FRAS1: variants seen among roughly 807,000 people sequenced by gnomAD.
The protein encoded by FRAS1 is Fraser extracellular matrix complex subunit 1, also known as extracellular matrix organizing protein FRAS1.
Under a neutral mutation model 435.2 loss-of-function variants are expected in FRAS1, and 290 were observed. The observed-to-expected ratio is 0.67, with a 90% CI of 0.61 to 0.73. The LOEUF (loss-of-function observed/expected upper bound fraction) is 0.73. Among genes scored for constraint, FRAS1 ranks in the 30% least tolerant of loss-of-function variants. The pLI, the probability that FRAS1 is intolerant of heterozygous loss-of-function variation, is 0.00. For missense variants in FRAS1, 4,860 were observed against 5,001.5 expected (o/e 0.97, Z 0.85); for synonymous variants, 1,800 against 1,851.0 (o/e 0.97, Z 0.71).
chr4:78,284,318 A>C, intron 12 of FRAS1, 87 bp from the exon 13 acceptor site: 1 of 1,380,744 alleles, frequency 7.2e-7, no homozygotes, highest in Non-Finnish European at 1.0e-6. Flanking sequence ...GTAATGCTAC[A>C]TACTTTGTAG....
At chr4:78,453,634 A>C (rs1020757613) in intron 47 of FRAS1, among the ~76,000 whole-genome samples, 13 of 151,698 alleles carry the variant, frequency 8.6e-5, no homozygotes, top group Non-Finnish European at 1.8e-4. Flanking sequence ...GACCCCGTTT[A>C]TTTTCTTTTC....
chr4:78,185,038 G>A (rs1348641067), intron 2 of FRAS1, among the ~76,000 whole-genome samples: 1 of 152,166 alleles, frequency 6.6e-6, no homozygotes, highest in African/African-American at 2.4e-5. Flanking sequence ...TGGGTCATAG[G>A]CCTAGTAAGT....
intron 50 of FRAS1, among the ~76,000 whole-genome samples, chr4:78,468,382 T>C (rs1233642236): frequency 1.3e-5 from 2 of 152,190 alleles, no homozygotes; most frequent in African/African-American, 4.8e-5. Flanking sequence ...AGCCTCGTTT[T>C]CCCTATCTGT....
intron 10 of FRAS1, among the ~76,000 whole-genome samples, chr4:78,279,693 T>G (rs901089592): frequency 4.6e-5 from 7 of 152,256 alleles, no homozygotes; most frequent in Non-Finnish European, 7.3e-5. Context: ...TATCTTAATC[T>G]TTTCAAATTT....
chr4:78,477,304 C>T (rs1423908125), intron 54 of FRAS1, among the ~76,000 whole-genome samples: 1 of 152,200 alleles, frequency 6.6e-6, no homozygotes, highest in Admixed American at 6.5e-5. Flanking sequence ...ATATACAAGA[C>T]CTCCTTTAGT....
chr4:78,340,309 G>A (rs929337650), intron 20 of FRAS1, among the ~76,000 whole-genome samples: 2 of 152,178 alleles, frequency 1.3e-5, no homozygotes, highest in Non-Finnish European at 2.9e-5. Context: ...CCATTGTCTG[G>A]TGCTTAGAAA....
Position 78,387,575 on chromosome 4 carries a change from A to G in FRAS1, c.3849A>G (p.Glu1283=). 1 of 1,613,590 alleles carries G rather than the reference A, an allele frequency of 6.2e-7. No homozygotes were observed. The highest frequency in any genetic ancestry group is 8.5e-7 in the Non-Finnish European group (1 of 1,179,764). Residue 1283 remains glutamate (E), a synonymous_variant, in exon 29 of 74, where the codon GAA becomes GAG. Coordinates refer to ENST00000512123, the MANE Select transcript of FRAS1 (RefSeq NM_025074.7). ...ATPIYQFQLD[E]LSRGLLHYAH... is the part of the protein sequence containing the mutation. Reference sequence around the variant, plus strand: ...CTATCTATCAATTCCAGCTGGATGAACTCTCTAGAGGCCTTCTCCACTATG... The same window carrying G: ...CTATCTATCAATTCCAGCTGGATGAGCTCTCTAGAGGCCTTCTCCACTATG...
chr4:78,312,285 T>C (rs1173472469), intron 15 of FRAS1, among the ~76,000 whole-genome samples: 1 of 151,436 alleles, frequency 6.6e-6, no homozygotes, highest in African/African-American at 2.4e-5. Flanking sequence ...CTAGCCTTCC[T>C]TATTTCTCTT....
intron 2 of FRAS1, among the ~76,000 whole-genome samples, chr4:78,127,286 C>T (rs1029575674): frequency 3.9e-5 from 6 of 152,050 alleles, no homozygotes; most frequent in Non-Finnish European, 5.9e-5. Context: ...GAGCCTAAAA[C>T]GATAATCCTA....
At chr4:78,141,686 T>A (rs1190296084) in intron 2 of FRAS1, among the ~76,000 whole-genome samples, 1 of 152,144 alleles carries the variant, frequency 6.6e-6, no homozygotes, top group Non-Finnish European at 1.5e-5. Context: ...TGCACACTCA[T>A]GTTTATAGCA....
chr4:78,495,673 A>C (rs963104964), intron 59 of FRAS1, among the ~76,000 whole-genome samples: 2 of 152,200 alleles, frequency 1.3e-5, no homozygotes, highest in Non-Finnish European at 2.9e-5. Context: ...TTTTAATTTA[A>C]TAAAATTATA....
intron 60 of FRAS1, among the ~76,000 whole-genome samples, chr4:78,498,816 AT>A (rs1167320578): frequency 6.7e-6 from 1 of 150,312 alleles, no homozygotes; most frequent in Non-Finnish European, 1.5e-5. Context: ...CATGATTTGA[AT>A]TTTTTGGTAA....
intron 9 of FRAS1, among the ~76,000 whole-genome samples, chr4:78,272,667 C>G (rs1346296236): frequency 6.6e-6 from 1 of 152,120 alleles, no homozygotes; most frequent in South Asian, 2.1e-4. Context: ...TTCCATTGGT[C>G]TATATCTCTG....
intron 2 of FRAS1, among the ~76,000 whole-genome samples, chr4:78,072,484 C>T (rs561906977): frequency 2.6e-5 from 4 of 152,160 alleles, no homozygotes; most frequent in African/African-American, 4.8e-5. Flanking sequence ...TCACCACAAA[C>T]AATTAGTGAA....
intron 2 of FRAS1, among the ~76,000 whole-genome samples, chr4:78,105,775 C>T (rs1742384413): frequency 6.6e-6 from 1 of 151,910 alleles, no homozygotes; most frequent in Non-Finnish European, 1.5e-5. Context: ...CAGCTCCGGT[C>T]TACAGCTCCC....
intron 47 of FRAS1, among the ~76,000 whole-genome samples, chr4:78,459,195 G>C (rs1719293200): frequency 6.6e-6 from 1 of 152,202 alleles, no homozygotes; most frequent in South Asian, 2.1e-4. Context: ...TTTACAGGCT[G>C]AGTTGTAATT....
intron 3 of FRAS1, among the ~76,000 whole-genome samples, chr4:78,244,789 G>C (rs765542169): frequency 2.0e-5 from 3 of 152,146 alleles, no homozygotes; most frequent in Non-Finnish European, 2.9e-5. Context: ...TCCTGTCCCA[G>C]GTAAAAGTTA....
chr4:78,186,444 G>A (rs1722271924), intron 2 of FRAS1, among the ~76,000 whole-genome samples: 1 of 152,180 alleles, frequency 6.6e-6, no homozygotes, highest in Non-Finnish European at 1.5e-5. Context: ...ATGTGGAAGT[G>A]TGTATTAATT....
chr4:78,436,633 A>G (rs1734439647), intron 38 of FRAS1, among the ~76,000 whole-genome samples: 1 of 152,194 alleles, frequency 6.6e-6, no homozygotes, highest in South Asian at 2.1e-4. Context: ...CTAAAGACAG[A>G]TGAATTATAG....
Sources: gnomAD v4.1 joint callset for allele counts (sites outside exome capture counted in the v4.1 genomes callset) on GRCh38, gnomAD v4.1.1 for gene constraint, MANE v1.5 for transcripts, NCBI Gene and HGNC (gene_info 2026-07-23, HGNC 2026-07-21) for gene names.